Variants in VPS8 observed in about 807,000 individuals in gnomAD.
The protein encoded by VPS8 is VPS8 subunit of CORVET complex.
VPS8 carries 129 observed loss-of-function variants against 216.4 expected under a neutral mutation model. The ratio of observed to expected loss-of-function variants is 0.60; its 90% confidence interval spans 0.52 to 0.69. The LOEUF is 0.69. Among genes scored for constraint, VPS8 ranks in the 30% least tolerant of loss-of-function variants. VPS8 has a pLI of 0.00. For missense variants in VPS8, 1,531 were observed against 1,683.5 expected, an observed-to-expected ratio of 0.91 and a Z score of 1.59; for synonymous variants, 571 against 565.4, an observed-to-expected ratio of 1.01 and a Z score of -0.14.
Position 184,928,516 on chromosome 3 carries a change from G to A in VPS8, c.2697G>A (p.Met899Ile). The A allele has an allele frequency of 6.6e-7, 1 of 1,519,382 alleles. No individual in the cohort carries two copies. The highest frequency in any genetic ancestry group is 8.7e-7 in the Non-Finnish European group (1 of 1,145,544). The allele number at this position is 1,519,382 out of a possible 1,614,324, so 94.1% of individuals were successfully genotyped here. Residue 899 changes from methionine to isoleucine, a missense_variant, in exon 32 of 48, where the codon ATG becomes ATA. By Grantham distance (10) the Met-to-Ile change is conservative. Coordinates refer to ENST00000625842, the MANE Select transcript of VPS8 (RefSeq NM_001009921.3). ...VQFEESRLIR[M>I]AEKAEFYQIC... ...TTGAAGAGAGTCGACTCATCCGGAT[G>A]GCAGAAAAAGCTGAGTTGTAAGTTG...
intron 45 of VPS8, among the ~76,000 whole-genome samples, 176 bp downstream of exon 45, chr3:185,000,037 AG>A (rs1753188924): frequency 6.6e-6 from 1 of 152,184 alleles, no homozygotes; most frequent in Non-Finnish European, 1.5e-5. Context: ...CTCTCTACTC[AG>A]TATGGAAAAA....
chr3:184,844,387 C>T (rs933958025), intron 8 of VPS8, among the ~76,000 whole-genome samples: 2 of 151,814 alleles, frequency 1.3e-5, no homozygotes, highest in South Asian at 2.1e-4. Context: ...TGCCACTGCA[C>T]TCCAGCCTGG....
intron 46 of VPS8, among the ~76,000 whole-genome samples, chr3:185,045,090 G>A (rs932027852): frequency 2.8e-4 from 20 of 71,908 alleles, no homozygotes; most frequent in Non-Finnish European, 5.2e-4. Context: ...TTGAAAGTGA[G>A]GTGGAGGGCA....
chr3:185,001,286 A>G (rs1240831839), intron 45 of VPS8, among the ~76,000 whole-genome samples: 1 of 152,190 alleles, frequency 6.6e-6, no homozygotes, highest in Non-Finnish European at 1.5e-5. Context: ...TGCCAGTCAC[A>G]AACAAAGTAC....
intron 47 of VPS8, among the ~76,000 whole-genome samples, 166 bp from the exon 48 acceptor site, chr3:185,051,708 CAA>C (rs1225471263): frequency 6.6e-6 from 1 of 152,192 alleles, no homozygotes; most frequent in African/African-American, 2.4e-5. Context: ...TGAACTTGCC[CAA>C]AGTCACACTG....
In VPS8 at chr3:184,824,582, A is replaced by C. The variant is rs567640648; in HGVS notation, c.-51A>C. The C allele has an allele frequency of 1.3e-6, 2 of 1,568,920 alleles. No individual in the cohort carries two copies. Among genetic ancestry groups the C allele is most frequent in the African/African-American group, 1.4e-5 (1 of 73,048 alleles). ...AGGTCTTCGTGAGCTAAGGCCAAAC[A>C]AACAAAAAACACTTGCTTTGATGGA... On this transcript the variant is annotated 5_prime_UTR_variant, in exon 2 of 48. Coordinates refer to ENST00000625842, the MANE Select transcript of VPS8 (RefSeq NM_001009921.3).
chr3:184,843,345 G>T (rs180692662), intron 8 of VPS8, 100 bp downstream of exon 8: 223 of 906,264 alleles, frequency 2.5e-4, no homozygotes, highest in Middle Eastern at 2.1e-3. Flanking sequence ...CTTACGAAAT[G>T]CTTATTGAAA....
At chr3:184,902,655 C>A (rs1279881844) in intron 25 of VPS8, among the ~76,000 whole-genome samples, 1 of 151,078 alleles carries the variant, frequency 6.6e-6, no homozygotes, top group Non-Finnish European at 1.5e-5. Context: ...CATGGTGAAA[C>A]CCTATCTCTA....
At position 184,860,043 on chromosome 3, in the gene VPS8, A is replaced by G. The variant is rs1484502125; in HGVS notation, c.1202A>G (p.Tyr401Cys). ...HVTKQKHLHL[Y>C]YDLINFTWIN... ...ACTAAGCAAAAGCATCTTCACCTATACTATGACCTCATCAACTTTACCGTG... is the reference window on the plus strand; with the variant it reads ...ACTAAGCAAAAGCATCTTCACCTATGCTATGACCTCATCAACTTTACCGTG... Residue 401 changes from tyrosine (Y) to cysteine (C), a missense_variant, in exon 15 of 48, where the codon TAC (tyrosine) becomes TGC (cysteine). Coordinates refer to ENST00000625842, the MANE Select transcript of VPS8 (RefSeq NM_001009921.3). 5 of 1,612,420 alleles carry G rather than the reference A, an allele frequency of 3.1e-6. No individual in the cohort carries two copies. Among genetic ancestry groups the G allele is most frequent in the Middle Eastern group, 1.7e-4 (1 of 5,950 alleles).
At chr3:184,984,827 T>C (rs937208121) in intron 42 of VPS8, among the ~76,000 whole-genome samples, 1 of 152,222 alleles carries the variant, frequency 6.6e-6, no homozygotes, top group African/African-American at 2.4e-5. Context: ...TTGCTTTATA[T>C]TGAGCTTTAA....
chr3:184,943,549 T>G (rs1375536370), intron 36 of VPS8, among the ~76,000 whole-genome samples: 3 of 152,238 alleles, frequency 2.0e-5, no homozygotes, highest in Admixed American at 1.3e-4. Context: ...AGCAGTTTAC[T>G]TGACAGCCAA....
chr3:184,852,382 GTTA>G (rs1724461976), intron 10 of VPS8, 115 bp from the exon 11 acceptor site: 1 of 788,384 alleles, frequency 1.3e-6, no homozygotes, highest in South Asian at 1.9e-5. Context: ...TCTAGTTTAG[GTTA>G]TTTCAAAAGC....
chr3:184,982,910 T>A, intron 41 of VPS8, 102 bp from the exon 42 acceptor site: 1 of 1,082,134 alleles, frequency 9.2e-7, no homozygotes, highest in Non-Finnish European at 1.3e-6. Context: ...TAGCTAAGTT[T>A]CTAAGAAGCT....
rs187773508 is a variant in VPS8 at position 184,868,484 on chromosome 3, C to T, written c.1506+425C>T. ...AGGAAGGAAGAAAGAAAAATAAAGG[C>T]TGTCTCCTACCTCTTAAGATGACAT... is the stretch of plus-strand genomic sequence containing the variant. On this transcript the variant is annotated intron_variant, in intron 18 of 47. Transcript: ENST00000625842. 7.2e-5 allele frequency among the ~76,000 whole-genome samples: 11 copies of T among 152,320 alleles called. No individual in the cohort carries two copies. The East Asian group carries it at 2.1e-3, about 29-fold the overall frequency.
At chr3:184,907,891 C>T (rs1464169104) in intron 25 of VPS8, among the ~76,000 whole-genome samples, 2 of 152,186 alleles carry the variant, frequency 1.3e-5, no homozygotes, top group African/African-American at 4.8e-5. Flanking sequence ...GCTGCAAAGT[C>T]AGCCATGGGT....
intron 36 of VPS8, among the ~76,000 whole-genome samples, chr3:184,948,007 A>C (rs1743994207): frequency 6.6e-6 from 1 of 152,158 alleles, no homozygotes; most frequent in African/African-American, 2.4e-5. Flanking sequence ...GGTAATAAAA[A>C]AACTCAAAAA....
chr3:184,961,767 T>C (rs1301315658), intron 37 of VPS8, among the ~76,000 whole-genome samples: 2 of 151,940 alleles, frequency 1.3e-5, no homozygotes, highest in Non-Finnish European at 2.9e-5. Flanking sequence ...TTTGTTTTTT[T>C]TGTTTTTGTT....
At position 184,925,551 on chromosome 3, in the gene VPS8, G is replaced by A. The variant is rs372787244; in HGVS notation, c.2574+570G>A. On this transcript the variant is annotated intron_variant, in intron 30 of 47. Coordinates refer to ENST00000625842, the MANE Select transcript of VPS8 (RefSeq NM_001009921.3). The stretch of plus-strand genomic sequence containing the variant: ...GGACAGTTATCCTCCTTTTATAGAT[G>A]AGGAAACTGAAGCCTGGAGAGATTA... Among the ~76,000 whole-genome samples the A allele has an allele frequency of 2.6e-5, 4 of 152,078 alleles. No homozygotes were observed. The East Asian group carries it at 7.7e-4, about 29-fold the overall frequency.
At chr3:184,897,178 C>T (rs1733659956) in intron 23 of VPS8, among the ~76,000 whole-genome samples, 1 of 151,972 alleles carries the variant, frequency 6.6e-6, no homozygotes, top group African/African-American at 2.4e-5. Context: ...GGGATGAGGG[C>T]CAAGTGCAGA....
Sources: allele counts gnomAD v4.1 joint callset (sites outside exome capture counted in the v4.1 genomes callset), GRCh38; gene constraint gnomAD v4.1.1; transcripts MANE v1.5; gene names NCBI Gene and HGNC (gene_info 2026-07-23, HGNC 2026-07-21).